ACAP2: variants seen among roughly 807,000 people sequenced by gnomAD.
ACAP2 encodes ArfGAP with coiled-coil, ankyrin repeat and PH domains 2.
In ACAP2, 39 loss-of-function variants were observed where a neutral mutation model predicts 115.8. The ratio of observed to expected loss-of-function variants is 0.34; its 90% CI spans 0.26 to 0.44. ACAP2 has a LOEUF of 0.44. Among genes scored for constraint, ACAP2 ranks in the 20% least tolerant of loss-of-function variants. ACAP2 has a pLI of 1.00. For synonymous variants in ACAP2, 289 were observed against 315.8 expected (o/e 0.92, Z 0.90); for missense variants, 662 against 927.6 (o/e 0.71, Z 3.72).
chr3:195,423,890 T>C (rs1243382221), intron 1 of ACAP2, among the ~76,000 whole-genome samples: 5 of 151,862 alleles, frequency 3.3e-5, no homozygotes, highest in East Asian at 3.9e-4. Context: ...GCAGGGACTA[T>C]TGACAAAAAA....
rs761349305 is a variant in ACAP2, at chr3:195,297,258, A to T, written c.1419T>A (p.Asp473Glu). 6.2e-7 allele frequency: 1 copy of T among 1,612,918 alleles called. No individual in the cohort carries two copies. The highest frequency in any genetic ancestry group is 1.3e-5 in the African/African-American group (1 of 74,888). ...LLKLMCELGN[D>E]VINRVYEANV... ...TAGCTTCATAAACTCGATTTATAAC[A>T]TCATTCCCCAACTCACACATAAGCT... The change falls in exon 16 of 23, where the codon GAT (aspartate) becomes GAA (glutamate). Residue 473 changes from aspartate to glutamate, a missense_variant. Coordinates refer to ENST00000326793, the MANE Select transcript of ACAP2 (RefSeq NM_012287.6).
intron 1 of ACAP2, among the ~76,000 whole-genome samples, chr3:195,441,582 A>T (rs1715995013): frequency 6.6e-6 from 1 of 152,226 alleles, no homozygotes. Context: ...AAATCCAATT[A>T]ACAGTGTTAA....
In ACAP2 at chr3:195,302,014, C is replaced by T. The variant is rs1222778650; in HGVS notation, c.1277G>A (p.Ser426Asn). The part of the protein sequence containing the change: ...DCGLADPRWA[S>N]INLGITLCIE... ...ACACAAGGTGATGCCCAGGTTGATGCTGGCCCACCGTGGATCTGCCAGGCC... is the reference window on the plus strand; with the variant it reads ...ACACAAGGTGATGCCCAGGTTGATGTTGGCCCACCGTGGATCTGCCAGGCC... Residue 426 changes from serine (S) to asparagine (N), a missense_variant, in exon 14 of 23, where the codon AGC (serine) becomes AAC (asparagine). Ser to Asn is a conservative substitution (Grantham distance 46, BLOSUM62 1). Around this residue, in one of 3 missense-constraint regions of ACAP2, gnomAD observed 401 missense variants for 604.4 expected, o/e 0.66. Coordinates refer to ENST00000326793, the MANE Select transcript of ACAP2 (RefSeq NM_012287.6). The T allele has an allele frequency of 1.2e-6, 2 of 1,613,808 alleles. No homozygotes were observed. The highest frequency in any genetic ancestry group is 1.7e-5 in the Admixed American group (1 of 60,000).
chr3:195,283,308 A>AC (rs34207801), intron 22 of ACAP2, among the ~76,000 whole-genome samples: 3,641 of 152,308 alleles, frequency 0.024, 127 homozygotes, highest in East Asian at 0.11. Context: ...GTGTGCTCTC[A>AC]ATCACCCCAC....
chr3:195,393,434 AT>A (rs1160488732), intron 1 of ACAP2, among the ~76,000 whole-genome samples: 3 of 152,328 alleles, frequency 2.0e-5, no homozygotes, highest in South Asian at 4.1e-4. Flanking sequence ...AAGTGTTTAA[AT>A]CTCTAAAATA....
At chr3:195,327,384 A>G (rs1217998035) in intron 8 of ACAP2, among the ~76,000 whole-genome samples, 1 of 152,238 alleles carries the variant, frequency 6.6e-6, no homozygotes, top group Non-Finnish European at 1.5e-5. Flanking sequence ...CAGCTAAACT[A>G]GTATTAACCA....
At chr3:195,413,656 G>A (rs1417751297) in intron 1 of ACAP2, among the ~76,000 whole-genome samples, 2 of 152,138 alleles carry the variant, frequency 1.3e-5, no homozygotes, top group Non-Finnish European at 2.9e-5. Context: ...GCTGAGGCAC[G>A]GAGAATCGCT....
intron 4 of ACAP2, chr3:195,349,550 A>C (rs985963034): frequency 6.5e-6 from 1 of 153,152 alleles, no homozygotes; most frequent in African/African-American, 2.4e-5. Context: ...AATTTGACAA[A>C]AAATATGCAA....
chr3:195,350,573 C>T (rs1731491908), intron 4 of ACAP2, among the ~76,000 whole-genome samples: 1 of 150,798 alleles, frequency 6.6e-6, no homozygotes, highest in Non-Finnish European at 1.5e-5. Flanking sequence ...TACTTGAGCC[C>T]AGGAGGTGGA....
chr3:195,304,321 C>A (rs912445423), intron 13 of ACAP2, among the ~76,000 whole-genome samples: 7 of 151,966 alleles, frequency 4.6e-5, no homozygotes, highest in Non-Finnish European at 1.0e-4. Context: ...TTACAGAAAT[C>A]ATGTTGGTTC....
chr3:195,320,759 T>A lies in ACAP2; in HGVS notation c.799A>T (p.Ile267Leu). Residue 267 changes from isoleucine (I) to leucine (L), a missense_variant, in exon 10 of 23, where the codon ATA becomes TTA. Transcript: ENST00000326793. ...LEYNVDAANG[I>L]VMEGYLFKRA... Reference sequence around the variant, plus strand: ...TTGAACAGATATCCTTCCATAACTATGCCATTTGCAGCATCTACGTTATAT... The same window carrying A: ...TTGAACAGATATCCTTCCATAACTAAGCCATTTGCAGCATCTACGTTATAT... The A allele has an allele frequency of 6.2e-7, 1 of 1,613,722 alleles. No individual in the cohort carries two copies. The highest frequency in any genetic ancestry group is 8.5e-7 in the Non-Finnish European group (1 of 1,179,742).
chr3:195,303,767 T>A (rs2108972138), intron 13 of ACAP2, among the ~76,000 whole-genome samples: 1 of 152,216 alleles, frequency 6.6e-6, no homozygotes, highest in East Asian at 1.9e-4. Flanking sequence ...AGACTCTGTC[T>A]CCCCGCCATC....
At chr3:195,328,724 C>A (rs566854624) in intron 8 of ACAP2, among the ~76,000 whole-genome samples, 9 of 152,270 alleles carry the variant, frequency 5.9e-5, no homozygotes, top group Non-Finnish European at 8.8e-5. Flanking sequence ...CAAATATGCA[C>A]GCATATACTT....
chr3:195,304,383 A>C (rs1035897136), intron 13 of ACAP2, among the ~76,000 whole-genome samples: 5 of 152,210 alleles, frequency 3.3e-5, no homozygotes, highest in Admixed American at 3.3e-4. Context: ...TTAGAGAACT[A>C]AGTACACAAA....
chr3:195,357,149 T>C (rs1480585342), intron 4 of ACAP2, among the ~76,000 whole-genome samples: 1 of 151,814 alleles, frequency 6.6e-6, no homozygotes, highest in African/African-American at 2.4e-5. Flanking sequence ...GCTGAGCCCT[T>C]GGGCCTTAAG....
intron 21 of ACAP2, among the ~76,000 whole-genome samples, chr3:195,288,743 AGCGACTAG>A (rs1376666259): frequency 6.6e-6 from 1 of 152,120 alleles, no homozygotes; most frequent in Non-Finnish European, 1.5e-5. Context: ...CTGTAATCCC[AGCGACTAG>A]GGAGGCTGAG....
At chr3:195,314,522 G>T (rs985839216) in intron 10 of ACAP2, among the ~76,000 whole-genome samples, 2 of 152,140 alleles carry the variant, frequency 1.3e-5, no homozygotes, top group East Asian at 3.9e-4. Context: ...GCCCACCTCG[G>T]CCTCCCAAAG....
chr3:195,380,978 G>C (rs745485851), intron 4 of ACAP2, 31 bp downstream of exon 4: 8 of 1,533,402 alleles, frequency 5.2e-6, no homozygotes, highest in South Asian at 1.2e-5. Context: ...TGTTAATATG[G>C]TCATAGTAAC....
At chr3:195,341,533 C>G (rs1164253895) in intron 6 of ACAP2, among the ~76,000 whole-genome samples, 1 of 151,968 alleles carries the variant, frequency 6.6e-6, no homozygotes, top group African/African-American at 2.4e-5. Flanking sequence ...GCCGTGTTAG[C>G]CAGGATGGTC....
Sources: allele counts gnomAD v4.1 joint callset (sites outside exome capture counted in the v4.1 genomes callset), GRCh38; gene constraint gnomAD v4.1.1; regional missense constraint gnomAD v4.1.1; transcripts MANE v1.5; gene names NCBI Gene and HGNC (gene_info 2026-07-23, HGNC 2026-07-21).